Variants in ROBO2 observed in about 807,000 individuals in gnomAD.
ROBO2 encodes the protein roundabout homolog 2.
A neutral mutation model predicts 160.8 loss-of-function variants in ROBO2; 53 were observed. That is an observed-to-expected ratio of 0.33 (90% CI 0.26 to 0.41). The LOEUF (loss-of-function observed/expected upper bound fraction) is 0.41, where lower values mean the gene tolerates loss of function less well. ROBO2 is among the 10% of genes least tolerant of loss of function. ROBO2 has a pLI of 1.00. For synonymous variants in ROBO2, 664 were observed against 611.7 expected (o/e 1.09, Z -1.26); for missense variants, 1,577 against 1,722.4 (o/e 0.92, Z 1.49).
chr3:76,777,507 A>G (rs1204946746), intron 2 of ROBO2, among the ~76,000 whole-genome samples: 1 of 151,116 alleles, frequency 6.6e-6, no homozygotes, highest in Non-Finnish European at 1.5e-5. Flanking sequence ...TGGCTTGGAA[A>G]TGTAATGGAC....
At chr3:77,083,141 C>G (rs2068862931) in intron 1 of ROBO2, among the ~76,000 whole-genome samples, 1 of 152,104 alleles carries the variant, frequency 6.6e-6, no homozygotes, top group Non-Finnish European at 1.5e-5. Context: ...AAATGAGAAA[C>G]ACAGCCAAGT....
At chr3:76,376,666 C>T (rs766793247) in intron 2 of ROBO2, among the ~76,000 whole-genome samples, 1 of 152,012 alleles carries the variant, frequency 6.6e-6, no homozygotes, top group Non-Finnish European at 1.5e-5. Flanking sequence ...GGCTGGCCAG[C>T]AAGGGCACAG....
intron 17 of ROBO2, among the ~76,000 whole-genome samples, chr3:77,591,188 T>C (rs2094172267): frequency 6.6e-6 from 1 of 152,090 alleles, no homozygotes; most frequent in Non-Finnish European, 1.5e-5. Context: ...CTTAAAAGAT[T>C]TGATGGATTT....
At chr3:76,471,646 A>C (rs1233202779) in intron 2 of ROBO2, among the ~76,000 whole-genome samples, 1 of 152,168 alleles carries the variant, frequency 6.6e-6, no homozygotes, top group African/African-American at 2.4e-5. Flanking sequence ...AGTTTTCATC[A>C]AATTAATATT....
chr3:77,524,509 A>G (rs1200493976), intron 6 of ROBO2, among the ~76,000 whole-genome samples: 3 of 151,372 alleles, frequency 2.0e-5, no homozygotes, highest in Non-Finnish European at 4.4e-5. Flanking sequence ...ACCAACCAAT[A>G]AATGCTCCAT....
chr3:77,638,818 C>CTTTTTTTTTTT (rs34034420), intron 24 of ROBO2, among the ~76,000 whole-genome samples: 1 of 51,270 alleles, frequency 2.0e-5, no homozygotes, highest in African/African-American at 8.1e-5. Context: ...TTTCACCTAG[C>CTTTTTTTTTTT]TTTTTTTTTT....
chr3:77,031,399 A>G (rs1452715488), intron 2 of ROBO2, among the ~76,000 whole-genome samples: 1 of 149,598 alleles, frequency 6.7e-6, no homozygotes, highest in Non-Finnish European at 1.5e-5. Flanking sequence ...TTTATATATA[A>G]TTACATGTAT....
intron 2 of ROBO2, among the ~76,000 whole-genome samples, chr3:76,233,869 G>T (rs559087904): frequency 3.3e-4 from 50 of 152,080 alleles, no homozygotes; most frequent in Non-Finnish European, 5.7e-4. Context: ...TGTTATACAG[G>T]TGTATTGTGT....
chr3:77,592,169 A>C (rs1164896675), intron 17 of ROBO2, among the ~76,000 whole-genome samples: 12 of 152,200 alleles, frequency 7.9e-5, no homozygotes, highest in Non-Finnish European at 1.5e-5. Flanking sequence ...ATTCTGACAG[A>C]AACAATACAA....
At chr3:77,450,755 A>G (rs1185487566) in intron 2 of ROBO2, among the ~76,000 whole-genome samples, 1 of 152,142 alleles carries the variant, frequency 6.6e-6, no homozygotes, top group Non-Finnish European at 1.5e-5. Flanking sequence ...TCATAAGTCG[A>G]GGCAAGTTAA....
chr3:76,325,387 G>C (rs1346542871), intron 2 of ROBO2, among the ~76,000 whole-genome samples: 1 of 152,146 alleles, frequency 6.6e-6, no homozygotes, highest in African/African-American at 2.4e-5. Context: ...AGTTAATAGA[G>C]CATAAATAAG....
intron 2 of ROBO2, among the ~76,000 whole-genome samples, chr3:76,166,480 C>G (rs1253341603): frequency 2.6e-5 from 4 of 152,220 alleles, no homozygotes; most frequent in African/African-American, 9.6e-5. Context: ...CCGTTGTATT[C>G]TAATTTCACA....
At chr3:77,335,220 A>G (rs923089213) in intron 2 of ROBO2, among the ~76,000 whole-genome samples, 4 of 152,176 alleles carry the variant, frequency 2.6e-5, no homozygotes, top group African/African-American at 9.7e-5. Flanking sequence ...CAGCCTGATC[A>G]ACATGGTGAA....
intron 2 of ROBO2, among the ~76,000 whole-genome samples, chr3:76,283,069 A>C (rs1244630406): frequency 7.0e-6 from 1 of 142,718 alleles, no homozygotes; most frequent in Non-Finnish European, 1.5e-5. Context: ...TTACAAGTCT[A>C]AAATGTTCAG....
rs190340715 is a variant in ROBO2, at chr3:75,907,301, T to C, written c.-14+341T>C. ...CCTTCTGTCCTTCCTTTTGCTTGCC[T>C]CATGCCCAATTTTCCAAGCCAAGGA... On this transcript the variant is annotated intron_variant, in intron 1 of 26. Coordinates refer to the ROBO2 transcript ENST00000487694. Among the ~76,000 whole-genome samples the C allele has an allele frequency of 1.1e-3, 164 of 152,252 alleles. 3 individuals carry two copies. The highest frequency in any genetic ancestry group is 9.8e-3 in the Admixed American group (150 of 15,300).
At chr3:76,922,874 G>A (rs2149001116) in intron 2 of ROBO2, among the ~76,000 whole-genome samples, 1 of 152,304 alleles carries the variant, frequency 6.6e-6, no homozygotes, top group East Asian at 1.9e-4. Flanking sequence ...GTATAGGGCT[G>A]TTATTATTTC....
At chr3:77,535,928 A>G (rs1483063727) in intron 6 of ROBO2, among the ~76,000 whole-genome samples, 1 of 152,234 alleles carries the variant, frequency 6.6e-6, no homozygotes, top group Non-Finnish European at 1.5e-5. Context: ...GAAATATAAT[A>G]AAGTTTAAAA....
intron 2 of ROBO2, among the ~76,000 whole-genome samples, chr3:77,259,326 G>C (rs1560365312): frequency 6.6e-6 from 1 of 152,214 alleles, no homozygotes; most frequent in Non-Finnish European, 1.5e-5. Context: ...AAGCACCATA[G>C]AAGTTGCGAA....
At chr3:77,342,020 C>T (rs1455197745) in intron 2 of ROBO2, among the ~76,000 whole-genome samples, 1 of 152,024 alleles carries the variant, frequency 6.6e-6, no homozygotes, top group African/African-American at 2.4e-5. Flanking sequence ...TATGCATTAA[C>T]TTCTAGGTTT....
Sources: gnomAD v4.1 joint callset for allele counts (sites outside exome capture counted in the v4.1 genomes callset) on GRCh38, gnomAD v4.1.1 for gene constraint, MANE v1.5 for transcripts, NCBI Gene and HGNC (gene_info 2026-07-23, HGNC 2026-07-21) for gene names.